The following KCNH8 variants were observed in gnomAD, a reference collection of about 807,000 sequenced individuals.
The protein encoded by KCNH8 is potassium voltage-gated channel subfamily H member 8, also known as voltage-gated delayed rectifier potassium channel KCNH8.
In KCNH8, 70 loss-of-function variants were observed where a neutral mutation model predicts 103.6. That is an observed-to-expected ratio of 0.68 (90% CI 0.56 to 0.82). The LOEUF (loss-of-function observed/expected upper bound fraction) is 0.82. KCNH8 is among the 40% of genes least tolerant of loss of function. The pLI, the probability that KCNH8 is intolerant of heterozygous loss-of-function variation, is 0.00. For synonymous variants in KCNH8, 498 were observed against 489.4 expected, an observed-to-expected ratio of 1.02 and a Z score of -0.23; for missense variants, 1,217 against 1,329.9, an observed-to-expected ratio of 0.92 and a Z score of 1.32.
At chr3:19,462,759 G>T (rs2067658890) in intron 11 of KCNH8, among the ~76,000 whole-genome samples, 1 of 152,016 alleles carries the variant, frequency 6.6e-6, no homozygotes, top group Non-Finnish European at 1.5e-5. Context: ...TTCTTCTAGG[G>T]GTTTTATGGT....
chr3:19,524,935 A>T (rs571820523), intron 15 of KCNH8, among the ~76,000 whole-genome samples: 2 of 152,052 alleles, frequency 1.3e-5, no homozygotes, highest in South Asian at 4.1e-4. Context: ...CAGAGTAGAG[A>T]GCAGTTACAG....
intron 7 of KCNH8, among the ~76,000 whole-genome samples, chr3:19,420,185 ACGG>A (rs908879914): frequency 1.3e-5 from 2 of 152,218 alleles, no homozygotes; most frequent in African/African-American, 4.8e-5. Flanking sequence ...GTTCATTGCT[ACGG>A]CTGCCACTGC....
chr3:19,532,068 C>A (rs2069171854), intron 15 of KCNH8, among the ~76,000 whole-genome samples: 1 of 152,104 alleles, frequency 6.6e-6, no homozygotes, highest in African/African-American at 2.4e-5. Flanking sequence ...GAATACAAAT[C>A]TTTTAGAAAA....
intron 11 of KCNH8, among the ~76,000 whole-genome samples, chr3:19,494,025 GC>G (rs1416437935): frequency 6.6e-6 from 1 of 151,972 alleles, no homozygotes; most frequent in East Asian, 1.9e-4. Context: ...CCTCAAGTAG[GC>G]CCCAGTGTCT....
chr3:19,281,378 A>G, intron 3 of KCNH8, 49 bp downstream of exon 3: 5 of 1,523,294 alleles, frequency 3.3e-6, no homozygotes, highest in Non-Finnish European at 3.5e-6. Flanking sequence ...ACATTTTGAA[A>G]TTGTTTACTT....
At chr3:19,295,586 G>T (rs2064987422) in intron 3 of KCNH8, among the ~76,000 whole-genome samples, 1 of 152,054 alleles carries the variant, frequency 6.6e-6, no homozygotes, top group Non-Finnish European at 1.5e-5. Flanking sequence ...TACTGTCATG[G>T]ATGATAACAG....
chr3:19,513,174 C>T lies in KCNH8; in HGVS notation c.2284C>T (p.Pro762Ser). 1 of 1,613,950 alleles carries T rather than the reference C, an allele frequency of 6.2e-7. No homozygotes were observed. The highest frequency in any genetic ancestry group is 8.5e-7 in the Non-Finnish European group (1 of 1,179,934). The change falls in exon 13 of 16, where the codon CCC becomes TCC. Residue 762 changes from proline to serine, a missense_variant. Transcript: ENST00000328405. ...AAAGCAACTGGCCTCGGGAACGGTG[C>T]CCTTTCACTCGCCTATCAGAGTCTC... is the stretch of plus-strand genomic sequence containing the variant. ...SLKQLASGTVPFHSPIRVSRS... is the reference protein window; with the variant it reads ...SLKQLASGTVSFHSPIRVSRS...
rs752776614 is a variant in KCNH8 at position 19,495,401 on chromosome 3, ATCT to A, written c.2041-14956_2041-14954del. On this transcript the variant is annotated intron_variant, in intron 11 of 15. Transcript: ENST00000328405. ...GGTATAAGGAAAGGGTCCAGTATCA[ATCT>A]TCTTCATATGGCTAGCCAGCTATCC... is the stretch of plus-strand genomic sequence containing the variant. 8.5e-5 allele frequency among the ~76,000 whole-genome samples: 13 copies of A among 152,292 alleles called. No homozygotes were observed. In the East Asian group the frequency reaches 2.1e-3, roughly 25 times the overall value.
chr3:19,316,595 A>C (rs137892485), intron 3 of KCNH8, among the ~76,000 whole-genome samples: 32 of 152,112 alleles, frequency 2.1e-4, no homozygotes, highest in Non-Finnish European at 4.0e-4. Flanking sequence ...AAAAAGGGCT[A>C]TCTCTCTGCT....
chr3:19,212,143 T>G (rs192970943), intron 1 of KCNH8, among the ~76,000 whole-genome samples: 5 of 152,342 alleles, frequency 3.3e-5, no homozygotes, highest in African/African-American at 1.2e-4. Flanking sequence ...ATAGCTGTGG[T>G]TTATTGATTC....
chr3:19,250,048 A>G (rs991386659), intron 1 of KCNH8, among the ~76,000 whole-genome samples: 1 of 152,202 alleles, frequency 6.6e-6, no homozygotes, highest in African/African-American at 2.4e-5. Flanking sequence ...AGGCTACGCA[A>G]CATGACAAAA....
chr3:19,239,068 T>C (rs1446366118), intron 1 of KCNH8, among the ~76,000 whole-genome samples: 1 of 152,214 alleles, frequency 6.6e-6, no homozygotes, highest in African/African-American at 2.4e-5. Context: ...AATAGGGAAA[T>C]ACTGATGATA....
At chr3:19,338,604 G>A (rs531796617) in intron 3 of KCNH8, among the ~76,000 whole-genome samples, 1 of 152,068 alleles carries the variant, frequency 6.6e-6, no homozygotes, top group Non-Finnish European at 1.5e-5. Context: ...AGTAAGGCAC[G>A]GTGGTCAACT....
At chr3:19,305,593 A>G (rs2065119580) in intron 3 of KCNH8, among the ~76,000 whole-genome samples, 1 of 152,108 alleles carries the variant, frequency 6.6e-6, no homozygotes, top group South Asian at 2.1e-4. Flanking sequence ...TTGAGAGAAA[A>G]TTCACACACA....
At chr3:19,464,695 TCA>T (rs1444082411) in intron 11 of KCNH8, among the ~76,000 whole-genome samples, 14 of 152,238 alleles carry the variant, frequency 9.2e-5, no homozygotes, top group African/African-American at 2.9e-4. Flanking sequence ...GACATATACT[TCA>T]GTTTTTAAAA....
intron 1 of KCNH8, among the ~76,000 whole-genome samples, chr3:19,170,298 G>A (rs1394233746): frequency 6.6e-6 from 1 of 152,022 alleles, no homozygotes; most frequent in Non-Finnish European, 1.5e-5. Flanking sequence ...ACACACAAAT[G>A]TATACACACA....
intron 1 of KCNH8, among the ~76,000 whole-genome samples, chr3:19,174,562 A>C (rs561886298): frequency 6.6e-6 from 1 of 152,346 alleles, no homozygotes; most frequent in Admixed American, 6.5e-5. Flanking sequence ...TATAGTTTAC[A>C]TTCTCAATCT....
At chr3:19,353,595 A>G (rs1227432909) in intron 5 of KCNH8, among the ~76,000 whole-genome samples, 1 of 152,184 alleles carries the variant, frequency 6.6e-6, no homozygotes, top group Non-Finnish European at 1.5e-5. Context: ...AAATCAAGAA[A>G]CATAATCCAT....
Position 19,517,237 on chromosome 3 carries a change from G to A in KCNH8, c.2543-761G>A, listed in dbSNP as rs561304102. ...TATTGTATATGACCTTCAATCATTC[G>A]TTGAATGAATGGATTACCTCTGCAA... On this transcript the variant is annotated intron_variant, in intron 14 of 15. Transcript: ENST00000328405. Among the ~76,000 whole-genome samples the A allele has an allele frequency of 2.6e-5, 4 of 152,048 alleles. No homozygotes were observed. The South Asian group carries it at 6.2e-4, about 24-fold the overall frequency.
Sources: allele counts gnomAD v4.1 joint callset (sites outside exome capture counted in the v4.1 genomes callset), GRCh38; gene constraint gnomAD v4.1.1; transcripts MANE v1.5; gene names NCBI Gene and HGNC (gene_info 2026-07-23, HGNC 2026-07-21).